Variants in CFAP299 observed in about 807,000 individuals in gnomAD.
CFAP299 encodes cilia- and flagella-associated protein 299.
CFAP299 carries 21 observed loss-of-function variants against 27.0 expected under a neutral mutation model. The ratio of observed to expected loss-of-function variants is 0.78; its 90% confidence interval spans 0.55 to 1.12. CFAP299 has a LOEUF of 1.12. Ranked by LOEUF, CFAP299 falls within the 50% of genes most tolerant of loss-of-function variation. CFAP299 has a pLI of 0.00. For missense variants in CFAP299, 310 were observed against 276.6 expected (o/e 1.12, Z -0.86); for synonymous variants, 104 against 98.1 (o/e 1.06, Z -0.36).
At chr4:80,724,671 T>C (rs1326757201) in intron 3 of CFAP299, among the ~76,000 whole-genome samples, 2 of 151,986 alleles carry the variant, frequency 1.3e-5, no homozygotes, top group African/African-American at 4.8e-5. Flanking sequence ...ATCCCCTTAT[T>C]TCCTGCACCC....
intron 4 of CFAP299, among the ~76,000 whole-genome samples, chr4:80,883,392 A>G (rs1403535254): frequency 6.6e-6 from 1 of 152,168 alleles, no homozygotes; most frequent in Non-Finnish European, 1.5e-5. Context: ...AAGAAACTAC[A>G]AAATGTTCAG....
intron 2 of CFAP299, among the ~76,000 whole-genome samples, chr4:80,467,033 G>A (rs1729739042): frequency 6.6e-6 from 1 of 152,170 alleles, no homozygotes; most frequent in Admixed American, 6.5e-5. Flanking sequence ...ATGGAGCTAT[G>A]GTCTTGAACC....
chr4:80,877,981 A>G (rs567990135), intron 4 of CFAP299, among the ~76,000 whole-genome samples: 2 of 152,222 alleles, frequency 1.3e-5, no homozygotes, highest in South Asian at 2.1e-4. Flanking sequence ...CTTGCGTCTC[A>G]TGAGTATAAG....
chr4:80,619,601 T>A (rs1250760276), intron 3 of CFAP299, among the ~76,000 whole-genome samples: 2 of 152,126 alleles, frequency 1.3e-5, no homozygotes, highest in Non-Finnish European at 2.9e-5. Context: ...AGATATTCAA[T>A]ACTGTTGAAG....
intron 3 of CFAP299, among the ~76,000 whole-genome samples, chr4:80,638,354 G>C (rs913154170): frequency 6.6e-6 from 1 of 152,116 alleles, no homozygotes; most frequent in Non-Finnish European, 1.5e-5. Flanking sequence ...GCACTTTATC[G>C]ATATATGAAT....
rs140291404 is a variant in CFAP299, at chr4:80,643,097, G to C, written c.333+59914G>C. The stretch of plus-strand genomic sequence containing the variant: ...GGATCGCTTGAGCCTAGGAGTTCGA[G>C]ACCAGCTTGGGCAACATAACAAGAC... On this transcript the variant is annotated intron_variant, in intron 3 of 5. Coordinates refer to ENST00000358105, the MANE Select transcript of CFAP299 (RefSeq NM_152770.3). Among the ~76,000 whole-genome samples, 1,364 of 152,144 alleles carry C rather than the reference G, an allele frequency of 9.0e-3. 21 individuals carry two copies. The highest frequency in any genetic ancestry group is 0.03 in the African/African-American group (1,258 of 41,520).
intron 3 of CFAP299, among the ~76,000 whole-genome samples, chr4:80,618,368 TCAAA>T (rs1332794277): frequency 6.6e-6 from 1 of 152,256 alleles, no homozygotes; most frequent in East Asian, 1.9e-4. Context: ...ACAGTTTTTC[TCAAA>T]CAATGAATAC....
intron 3 of CFAP299, among the ~76,000 whole-genome samples, chr4:80,657,049 C>A (rs1374514118): frequency 6.6e-6 from 1 of 151,712 alleles, no homozygotes; most frequent in Admixed American, 6.6e-5. Context: ...TGTTCATATC[C>A]TTTGCATACT....
chr4:80,549,968 C>G (rs943984290), intron 2 of CFAP299, among the ~76,000 whole-genome samples: 1 of 151,870 alleles, frequency 6.6e-6, no homozygotes, highest in African/African-American at 2.4e-5. Context: ...TCTGTTCACT[C>G]AAACTTCTTA....
At chr4:80,504,558 A>G (rs1731919784) in intron 2 of CFAP299, among the ~76,000 whole-genome samples, 1 of 140,728 alleles carries the variant, frequency 7.1e-6, no homozygotes, top group Non-Finnish European at 1.5e-5. Context: ...CTCGGGAGAA[A>G]AAAAATGAAG....
chr4:80,451,406 A>G (rs1252068039), intron 2 of CFAP299, among the ~76,000 whole-genome samples: 1 of 152,236 alleles, frequency 6.6e-6, no homozygotes, highest in Non-Finnish European at 1.5e-5. Context: ...ATCAACAAAC[A>G]CATGAATTTT....
chr4:80,849,472 G>GA (rs1560443592), intron 3 of CFAP299, among the ~76,000 whole-genome samples: 1 of 152,050 alleles, frequency 6.6e-6, no homozygotes, highest in Non-Finnish European at 1.5e-5. Context: ...TTGAAACCTA[G>GA]AAAAAAATCA....
At chr4:80,644,454 A>G (rs1739888358) in intron 3 of CFAP299, among the ~76,000 whole-genome samples, 1 of 152,176 alleles carries the variant, frequency 6.6e-6, no homozygotes, top group Non-Finnish European at 1.5e-5. Context: ...TTTGGGTAAC[A>G]CACCCAATAT....
intron 2 of CFAP299, among the ~76,000 whole-genome samples, chr4:80,517,571 C>A (rs766267418): frequency 6.6e-6 from 1 of 152,078 alleles, no homozygotes; most frequent in Non-Finnish European, 1.5e-5. Context: ...TCTTGAGAAA[C>A]GATGTAGCCA....
chr4:80,589,016 T>C lies in CFAP299; in HGVS notation c.333+5833T>C, dbSNP rs78943911. On this transcript the variant is annotated intron_variant, in intron 3 of 5. Transcript: ENST00000358105. ...GCTCCAGAGTCTGATTCTTAACCAG[T>C]ATGCAAATGAACAAAATTGCCCTTC... Among the ~76,000 whole-genome samples the C allele has an allele frequency of 6.8e-3, 1,030 of 152,276 alleles. 12 individuals carry two copies. Among genetic ancestry groups the C allele is most frequent in the African/African-American group, 0.024 (989 of 41,542 alleles).
chr4:80,894,689 A>G (rs974480342), intron 4 of CFAP299, among the ~76,000 whole-genome samples: 1 of 151,986 alleles, frequency 6.6e-6, no homozygotes, highest in Non-Finnish European at 1.5e-5. Flanking sequence ...CGACTTCTGC[A>G]TATATATTTA....
At chr4:80,939,592 G>A (rs1358051227) in intron 4 of CFAP299, among the ~76,000 whole-genome samples, 1 of 151,872 alleles carries the variant, frequency 6.6e-6, no homozygotes, top group African/African-American at 2.4e-5. Flanking sequence ...TTCTTTTGTA[G>A]CTCATTGAGC....
chr4:80,650,697 T>A (rs1740234708), intron 3 of CFAP299, among the ~76,000 whole-genome samples: 1 of 152,182 alleles, frequency 6.6e-6, no homozygotes. Flanking sequence ...AGCTTTCCAA[T>A]TTGTATGCTG....
At chr4:80,668,011 A>G (rs910443976) in intron 3 of CFAP299, among the ~76,000 whole-genome samples, 3 of 152,004 alleles carry the variant, frequency 2.0e-5, no homozygotes, top group Non-Finnish European at 4.4e-5. Flanking sequence ...GATAAAAGCC[A>G]TTTTAACTGG....
Sources: gnomAD v4.1 joint callset for allele counts (sites outside exome capture counted in the v4.1 genomes callset) on GRCh38, gnomAD v4.1.1 for gene constraint, MANE v1.5 for transcripts, NCBI Gene and HGNC (gene_info 2026-07-23, HGNC 2026-07-21) for gene names.